Variants in ABCG8 observed in about 807,000 individuals in gnomAD.
ABCG8 encodes ATP binding cassette subfamily G member 8, also known as ATP-binding cassette sub-family G member 8.
Under a neutral mutation model 71.3 loss-of-function variants are expected in ABCG8, and 81 were observed. The observed-to-expected ratio is 1.14, with a 90% CI of 0.95 to 1.37. The LOEUF (loss-of-function observed/expected upper bound fraction) is 1.37, where lower values mean the gene tolerates loss of function less well. ABCG8 is among the 40% of genes most tolerant of loss of function. ABCG8 has a pLI of 0.00. For synonymous variants in ABCG8, 451 were observed against 354.7 expected, an observed-to-expected ratio of 1.27 and a Z score of -3.05; for missense variants, 1,119 against 866.2, an observed-to-expected ratio of 1.29 and a Z score of -3.66.
At chr2:43,871,568 G>A (rs1390375726) in intron 6 of ABCG8, among the ~76,000 whole-genome samples, 1 of 151,886 alleles carries the variant, frequency 6.6e-6, no homozygotes, top group African/African-American at 2.4e-5. Flanking sequence ...CCATGGAGGG[G>A]CACTGAGTCC....
intron 6 of ABCG8, among the ~76,000 whole-genome samples, chr2:43,864,154 A>G (rs1669436514): frequency 6.6e-6 from 1 of 151,210 alleles, no homozygotes; most frequent in Admixed American, 6.6e-5. Context: ...TACTGTGTGG[A>G]TAAAATACTC....
Position 43,878,709 on chromosome 2 carries a change from G to A in ABCG8, c.*796G>A, listed in dbSNP as rs1311930087. On this transcript the variant is annotated 3_prime_UTR_variant, in exon 13 of 13. Transcript: ENST00000272286. ...AGGAAGGCTCCAGAAGACAAATGGG[G>A]TCTGTAGAGGCTGTTAACTCAGCCA... is the stretch of plus-strand genomic sequence containing the variant. The A allele has an allele frequency of 1.3e-5, 2 of 152,882 alleles. No homozygotes were observed. Among genetic ancestry groups the A allele is most frequent in the African/African-American group, 2.4e-5 (1 of 41,574 alleles). 9.5% of individuals were successfully genotyped at this position (152,882 alleles called of 1,614,324 possible). A position where few individuals can be genotyped will look rare whatever the true frequency, so the allele number is the denominator to read the frequency against.
At chr2:43,849,021 T>TA (rs1193216137) in intron 3 of ABCG8, among the ~76,000 whole-genome samples, 1,361 of 53,938 alleles carry the variant, frequency 0.025, 22 homozygotes, top group African/African-American at 0.055. Context: ...AAACACTGTC[T>TA]AAAAAAAAAA....
intron 6 of ABCG8, among the ~76,000 whole-genome samples, chr2:43,853,251 G>A (rs747860230): frequency 5.9e-5 from 9 of 152,366 alleles, no homozygotes; most frequent in Admixed American, 1.3e-4. Context: ...TGTTCCCACA[G>A]TGGCAGGGAG....
rs902854328 is a variant in ABCG8, at chr2:43,846,198, A to C, written c.209A>C (p.Gln70Pro). 6.2e-7 allele frequency: 1 copy of C among 1,614,040 alleles called. No individual in the cohort carries two copies. The highest frequency in any genetic ancestry group is 8.5e-7 in the Non-Finnish European group (1 of 1,180,012). The change falls in exon 3 of 13, where the codon CAG becomes CCG. Residue 70 changes from glutamine to proline, a missense_variant. Coordinates refer to ENST00000272286, the MANE Select transcript of ABCG8 (RefSeq NM_022437.3). ...SQVPWFEQLA[Q>P]FKMPWTSPSC... ...GTCCCTTGGTTTGAGCAGCTGGCTCAGTTCAAGATGCCCTGGACATCTCCC... is the reference window on the plus strand; with the variant it reads ...GTCCCTTGGTTTGAGCAGCTGGCTCCGTTCAAGATGCCCTGGACATCTCCC...
intron 10 of ABCG8, among the ~76,000 whole-genome samples, 184 bp downstream of exon 10, chr2:43,874,667 A>G (rs531094613): frequency 1.3e-5 from 2 of 152,260 alleles, no homozygotes; most frequent in South Asian, 4.1e-4. Context: ...TATTTTAAAC[A>G]TTTACCAAAA....
intron 6 of ABCG8, among the ~76,000 whole-genome samples, chr2:43,864,002 C>G (rs1306778756): frequency 6.6e-6 from 1 of 151,338 alleles, no homozygotes; most frequent in African/African-American, 2.4e-5. Flanking sequence ...TTCTCACTCT[C>G]TGGGTAGAAC....
intron 11 of ABCG8, among the ~76,000 whole-genome samples, chr2:43,876,031 A>G (rs1165575570): frequency 6.6e-6 from 1 of 152,112 alleles, no homozygotes; most frequent in Non-Finnish European, 1.5e-5. Flanking sequence ...GCACCCAGGC[A>G]GGGCTCATTG....
intron 11 of ABCG8, among the ~76,000 whole-genome samples, chr2:43,876,405 G>T (rs1291523277): frequency 6.6e-6 from 1 of 152,202 alleles, no homozygotes; most frequent in Non-Finnish European, 1.5e-5. Flanking sequence ...TGACTGTGGG[G>T]AGACCATGGG....
rs1189494830 is a variant in ABCG8 at position 43,839,099 on chromosome 2, A to G, written c.46A>G (p.Thr16Ala). The change falls in exon 1 of 13, where the codon ACT (threonine) becomes GCT (alanine). Residue 16 changes from threonine to alanine, a missense_variant. Thr to Ala is a moderately conservative substitution (Grantham distance 58). Transcript: ENST00000272286. ...GGAGAGAGGGCTGCCGAAAGGGGCC[A>G]CTCCCCAGGATACCTCGGTGAGTGA... ...AEERGLPKGATPQDTSGLQDR... is the reference protein window; with the variant it reads ...AEERGLPKGAAPQDTSGLQDR... 4.5e-6 allele frequency: 7 copies of G among 1,551,124 alleles called. No individual in the cohort carries two copies. The highest frequency in any genetic ancestry group is 5.2e-6 in the Non-Finnish European group (6 of 1,146,776).
rs1572863724 is a variant in ABCG8 at position 43,872,404 on chromosome 2, G to A, written c.1211+98G>A. ...TATTAAAGTGAATTTAAAGGAGAAA[G>A]TGAGAGGTAGAGTCATTTGAAAAAA... is the stretch of plus-strand genomic sequence containing the variant. On this transcript the variant is annotated intron_variant, in intron 8 of 12. Transcript: ENST00000272286. 2.2e-6 allele frequency: 3 copies of A among 1,362,518 alleles called. No homozygotes were observed. The East Asian group carries it at 7.5e-5, about 34-fold the overall frequency. 84.4% of individuals were successfully genotyped at this position (1,362,518 alleles called of 1,614,324 possible).
intron 6 of ABCG8, among the ~76,000 whole-genome samples, chr2:43,864,572 A>G (rs1669453475): frequency 1.3e-5 from 2 of 151,846 alleles, no homozygotes; most frequent in Admixed American, 1.3e-4. Flanking sequence ...AACTATCTGG[A>G]TAGAATTCTC....
At position 43,879,390 on chromosome 2, in the gene ABCG8, C is replaced by G. The variant is rs1296792981; in HGVS notation, c.*1477C>G. On this transcript the variant is annotated 3_prime_UTR_variant, in exon 13 of 13. Coordinates refer to ENST00000272286, the MANE Select transcript of ABCG8 (RefSeq NM_022437.3). ...ACTCCAAGTACGATCCCTGGGCCAGCAGAATGGGCACAGCTGGAGCTGATT... is the reference window on the plus strand; with the variant it reads ...ACTCCAAGTACGATCCCTGGGCCAGGAGAATGGGCACAGCTGGAGCTGATT... The G allele has an allele frequency of 6.6e-6, 1 of 152,242 alleles. No homozygotes were observed. Among genetic ancestry groups the G allele is most frequent in the Admixed American group, 6.5e-5 (1 of 15,276 alleles). 9.4% of individuals were successfully genotyped at this position (152,242 alleles called of 1,614,324 possible).
intron 6 of ABCG8, among the ~76,000 whole-genome samples, chr2:43,864,020 A>C (rs747148094): frequency 4.6e-5 from 7 of 151,196 alleles, no homozygotes; most frequent in Non-Finnish European, 7.4e-5. Flanking sequence ...AACTCTCACT[A>C]TCTGGATAGA....
Position 43,872,151 on chromosome 2 carries a change from G to A in ABCG8, c.1127+13G>A. 3.7e-6 allele frequency: 6 copies of A among 1,614,098 alleles called. No individual in the cohort carries two copies. The highest frequency in any genetic ancestry group is 5.1e-6 in the Non-Finnish European group (6 of 1,180,034). Reference sequence around the variant, plus strand: ...CCTGTGTGGAAAGGTAAGGTGGCAGGCGACTCTGAGAGGAGAGCTCCCTGC... The same window carrying A: ...CCTGTGTGGAAAGGTAAGGTGGCAGACGACTCTGAGAGGAGAGCTCCCTGC... On this transcript the variant is annotated intron_variant, in intron 7 of 12. Transcript: ENST00000272286.
At chr2:43,862,380 C>G (rs1327065400) in intron 6 of ABCG8, among the ~76,000 whole-genome samples, 2 of 151,306 alleles carry the variant, frequency 1.3e-5, no homozygotes, top group Non-Finnish European at 3.0e-5. Context: ...AGAATTTTCA[C>G]TCTCTGGATA....
intron 1 of ABCG8, among the ~76,000 whole-genome samples, chr2:43,839,360 T>C (rs1668477590): frequency 6.6e-6 from 1 of 150,896 alleles, no homozygotes; most frequent in Admixed American, 6.6e-5. Context: ...TGTTCTTTTG[T>C]GTGATGTGGG....
rs1347426209 is a variant in ABCG8 at position 43,839,050 on chromosome 2, C to T, written c.-4C>T. 3 of 1,550,732 alleles carry T rather than the reference C, an allele frequency of 1.9e-6. No individual in the cohort carries two copies. The highest frequency in any genetic ancestry group is 2.6e-6 in the Non-Finnish European group (3 of 1,146,744). On this transcript the variant is annotated 5_prime_UTR_variant, in exon 1 of 13. Transcript: ENST00000272286. The stretch of plus-strand genomic sequence containing the variant: ...CAGCCCAGGGTCACAGACCTGTGGG[C>T]CCCATGGCCGGGAAGGCGGCAGAGG...
intron 1 of ABCG8, 26 bp from the exon 2 acceptor site, chr2:43,844,481 C>G: frequency 6.4e-7 from 1 of 1,564,590 alleles, no homozygotes; most frequent in South Asian, 1.1e-5. Flanking sequence ...TCTAAAGGAG[C>G]CCCTCATCTC....
Sources: allele counts gnomAD v4.1 joint callset (sites outside exome capture counted in the v4.1 genomes callset), GRCh38; gene constraint gnomAD v4.1.1; transcripts MANE v1.5; gene names NCBI Gene and HGNC (gene_info 2026-07-23, HGNC 2026-07-21).